The following SDCCAG8 variants were observed in gnomAD, a reference collection of about 807,000 sequenced individuals.
SDCCAG8 encodes serologically defined colon cancer antigen 8.
SDCCAG8 carries 74 observed loss-of-function variants against 101.8 expected under a neutral mutation model. The ratio of observed to expected loss-of-function variants is 0.73; its 90% CI spans 0.60 to 0.88. The LOEUF is 0.88. SDCCAG8 is among the 40% of genes least tolerant of loss of function. The probability of loss-of-function intolerance (pLI) is 0.00; values close to 1 mark genes in which losing one functional copy is unlikely to be tolerated. For missense variants in SDCCAG8, 787 were observed against 822.6 expected (o/e 0.96, Z 0.53); for synonymous variants, 281 against 292.9 (o/e 0.96, Z 0.41).
chr1:243,360,478 C>T (rs758190363), intron 12 of SDCCAG8, among the ~76,000 whole-genome samples: 4 of 151,944 alleles, frequency 2.6e-5, no homozygotes, highest in Admixed American at 6.6e-5. Context: ...CTGGGGCTCC[C>T]TGCTTCTCCT....
intron 13 of SDCCAG8, among the ~76,000 whole-genome samples, chr1:243,406,983 C>T (rs959561452): frequency 9.2e-5 from 14 of 152,138 alleles, no homozygotes; most frequent in Admixed American, 6.5e-5. Flanking sequence ...CCTATCCTTT[C>T]CACCTGTATC....
intron 16 of SDCCAG8, among the ~76,000 whole-genome samples, chr1:243,456,408 T>C (rs1027347730): frequency 1.6e-4 from 24 of 152,152 alleles, no homozygotes; most frequent in African/African-American, 5.6e-4. Context: ...TTAACGAAGC[T>C]GTACAAATAT....
chr1:243,353,513 AAAAAAAAAAAG>A (rs1421361490), intron 12 of SDCCAG8, among the ~76,000 whole-genome samples: 2 of 147,962 alleles, frequency 1.4e-5, no homozygotes, highest in Non-Finnish European at 3.0e-5. Flanking sequence ...AAAAAAAAAA[AAAAAAAAAAAG>A]AATGTTGCCC....
chr1:243,263,368 G>C (rs899472383), intron 1 of SDCCAG8, among the ~76,000 whole-genome samples: 1 of 152,234 alleles, frequency 6.6e-6, no homozygotes, highest in African/African-American at 2.4e-5. Flanking sequence ...TGCTGAGGTT[G>C]AGAAATCACG....
At chr1:243,422,449 A>G (rs976766828) in intron 15 of SDCCAG8, among the ~76,000 whole-genome samples, 1 of 152,220 alleles carries the variant, frequency 6.6e-6, no homozygotes, top group Non-Finnish European at 1.5e-5. Flanking sequence ...ATTGCAGTTC[A>G]TATATTTTAA....
rs531424911 is a variant in SDCCAG8 at position 243,454,264 on chromosome 1, A to C, written c.1985+27706A>C. 3.3e-5 allele frequency among the ~76,000 whole-genome samples: 5 copies of C among 152,316 alleles called. No individual in the cohort carries two copies. In the East Asian group the frequency reaches 9.6e-4, roughly 29 times the overall value. ...ATACTTCTTTTCATATATACCGTGC[A>C]AGATGAATTATTAGTATTGTCTTCC... On this transcript the variant is annotated intron_variant, in intron 16 of 17. Transcript: ENST00000366541.
intron 16 of SDCCAG8, among the ~76,000 whole-genome samples, chr1:243,466,748 G>T (rs561014756): frequency 6.6e-6 from 1 of 152,252 alleles, no homozygotes; most frequent in Non-Finnish European, 1.5e-5. Context: ...GTCCTATCGA[G>T]AGTAGACAAG....
At chr1:243,257,334 GTGT>G (rs1418821750) in intron 1 of SDCCAG8, among the ~76,000 whole-genome samples, 1 of 152,162 alleles carries the variant, frequency 6.6e-6, no homozygotes, top group African/African-American at 2.4e-5. Flanking sequence ...TATGAAGCAT[GTGT>G]TGTTCTGCAT....
intron 10 of SDCCAG8, among the ~76,000 whole-genome samples, chr1:243,339,694 C>T (rs899736826): frequency 6.6e-6 from 1 of 152,136 alleles, no homozygotes; most frequent in African/African-American, 2.4e-5. Flanking sequence ...TTCTGTAGTT[C>T]GAAGGCAGAC....
At chr1:243,438,812 T>G (rs2082330263) in intron 16 of SDCCAG8, among the ~76,000 whole-genome samples, 1 of 152,214 alleles carries the variant, frequency 6.6e-6, no homozygotes, top group African/African-American at 2.4e-5. Flanking sequence ...ATCTTTAACT[T>G]TGCAGTTTGT....
At chr1:243,442,253 G>A (rs1442881618) in intron 16 of SDCCAG8, among the ~76,000 whole-genome samples, 1 of 152,178 alleles carries the variant, frequency 6.6e-6, no homozygotes, top group African/African-American at 2.4e-5. Flanking sequence ...CAGCAGATGT[G>A]TATCTGCACC....
intron 12 of SDCCAG8, among the ~76,000 whole-genome samples, chr1:243,345,221 G>A (rs1263519290): frequency 6.6e-6 from 1 of 151,974 alleles, no homozygotes; most frequent in Non-Finnish European, 1.5e-5. Flanking sequence ...AGCCAATGAA[G>A]TCTTTACAAC....
chr1:243,417,879 C>T (rs1218487700), intron 14 of SDCCAG8, 89 bp from the exon 15 acceptor site: 6 of 922,596 alleles, frequency 6.5e-6, no homozygotes, highest in African/African-American at 1.6e-5. Flanking sequence ...GTGTAGGGGT[C>T]TAAGCACTTT....
At position 243,477,186 on chromosome 1, in the gene SDCCAG8, G is replaced by A. The variant is rs150905552; in HGVS notation, c.1986-11828G>A. Among the ~76,000 whole-genome samples, 5 of 152,296 alleles carry A rather than the reference G, an allele frequency of 3.3e-5. No homozygotes were observed. In the East Asian group the frequency reaches 5.8e-4, roughly 18 times the overall value. On this transcript the variant is annotated intron_variant, in intron 16 of 17. Transcript: ENST00000366541. The stretch of plus-strand genomic sequence containing the variant: ...TCCAAATAAACCCATTTTTAAGGAC[G>A]GCTTTAGGGTGAGGTAGGGTACAGT...
chr1:243,259,237 TAAAAA>T (rs559992892), intron 1 of SDCCAG8, among the ~76,000 whole-genome samples: 1,436 of 141,652 alleles, frequency 0.01, 15 homozygotes, highest in African/African-American at 0.035. Context: ...CCGTCTGTAC[TAAAAA>T]AAAAAATACA....
rs918637491 is a variant in SDCCAG8 at position 243,361,950 on chromosome 1, C to T, written c.1474-16771C>T. ...TTATTCTCTTTTGTATTCAGTGCCC[C>T]AGTGCCCTGATTGCAATTAGGGTCA... On this transcript the variant is annotated intron_variant, in intron 12 of 17. Transcript: ENST00000366541. Among the ~76,000 whole-genome samples, 8 of 152,240 alleles carry T rather than the reference C, an allele frequency of 5.3e-5. No individual in the cohort carries two copies. The East Asian group carries it at 1.5e-3, about 29-fold the overall frequency.
At chr1:243,367,500 A>G (rs1303729820) in intron 12 of SDCCAG8, among the ~76,000 whole-genome samples, 2 of 151,942 alleles carry the variant, frequency 1.3e-5, no homozygotes, top group Non-Finnish European at 2.9e-5. Flanking sequence ...GTTAGCAAAC[A>G]CAGGTCAAAG....
At chr1:243,291,922 C>T (rs763908151) in intron 5 of SDCCAG8, among the ~76,000 whole-genome samples, 1 of 152,180 alleles carries the variant, frequency 6.6e-6, no homozygotes, top group Non-Finnish European at 1.5e-5. Flanking sequence ...TCCTACAATC[C>T]CTTCCTAATG....
At chr1:243,302,432 T>C (rs775997974) in intron 6 of SDCCAG8, among the ~76,000 whole-genome samples, 1 of 152,160 alleles carries the variant, frequency 6.6e-6, no homozygotes, top group Non-Finnish European at 1.5e-5. Context: ...CTAACTCTAC[T>C]GTTTCGTGCA....
Sources: allele counts gnomAD v4.1 joint callset (sites outside exome capture counted in the v4.1 genomes callset), GRCh38; gene constraint gnomAD v4.1.1; transcripts MANE v1.5; gene names NCBI Gene and HGNC (gene_info 2026-07-23, HGNC 2026-07-21).